Variants in ACTN4 observed in about 807,000 individuals in gnomAD.
ACTN4 encodes the protein alpha-actinin-4.
A neutral mutation model predicts 114.2 loss-of-function variants in ACTN4; 18 were observed. That is an observed-to-expected ratio of 0.16 (90% CI 0.11 to 0.23). The LOEUF (loss-of-function observed/expected upper bound fraction) is 0.23, where lower values mean the gene tolerates loss of function less well. Ranked by LOEUF, ACTN4 falls within the 10% of genes least tolerant of loss-of-function variation. ACTN4 has a pLI of 1.00. For missense variants in ACTN4, 722 were observed against 1,262.9 expected (o/e 0.57, Z 6.49); for synonymous variants, 515 against 506.3 (o/e 1.02, Z -0.23).
chr19:38,710,754 C>T (rs1968620370), intron 8 of ACTN4: 9 of 333,574 alleles, frequency 2.7e-5, no homozygotes, highest in Non-Finnish European at 4.7e-5. Flanking sequence ...GCAGCAGGAG[C>T]TGCTAGATGC....
At chr19:38,669,430 G>T (rs776746063) in intron 1 of ACTN4, among the ~76,000 whole-genome samples, 1 of 152,250 alleles carries the variant, frequency 6.6e-6, no homozygotes, top group Non-Finnish European at 1.5e-5. Flanking sequence ...GGCATCTGAA[G>T]AATTTCTACA....
chr19:38,685,812 C>T (rs1967724058), intron 1 of ACTN4, among the ~76,000 whole-genome samples: 1 of 152,056 alleles, frequency 6.6e-6, no homozygotes, highest in African/African-American at 2.4e-5. Context: ...GCCGGGTGGA[C>T]TGTTGAATCA....
At chr19:38,713,133 C>T (rs1285297374) in intron 8 of ACTN4, among the ~76,000 whole-genome samples, 7 of 152,152 alleles carry the variant, frequency 4.6e-5, no homozygotes, top group African/African-American at 7.2e-5. Flanking sequence ...GTTTTATAAA[C>T]GCAGAGTGAA....
intron 1 of ACTN4, among the ~76,000 whole-genome samples, chr19:38,653,441 T>A (rs1223786910): frequency 6.6e-6 from 1 of 151,872 alleles, no homozygotes; most frequent in Non-Finnish European, 1.5e-5. Context: ...ATTCCCTTGC[T>A]GCTGCTTTTA....
At chr19:38,651,344 A>G (rs1014914080) in intron 1 of ACTN4, among the ~76,000 whole-genome samples, 1 of 152,128 alleles carries the variant, frequency 6.6e-6, no homozygotes, top group Admixed American at 6.5e-5. Flanking sequence ...CGGTTTTTAC[A>G]TGAGAGGGCC....
chr19:38,664,338 C>T (rs1966892505), intron 1 of ACTN4, among the ~76,000 whole-genome samples: 1 of 151,994 alleles, frequency 6.6e-6, no homozygotes, highest in African/African-American at 2.4e-5. Context: ...GACTTAAATA[C>T]CGCAGTGTCC....
intron 1 of ACTN4, among the ~76,000 whole-genome samples, chr19:38,648,915 G>A (rs1316868906): frequency 1.3e-5 from 2 of 151,824 alleles, no homozygotes; most frequent in African/African-American, 4.8e-5. Flanking sequence ...GTGGATAATG[G>A]GAGAGAGGTT....
intron 3 of ACTN4, among the ~76,000 whole-genome samples, 162 bp downstream of exon 3, chr19:38,701,283 A>G (rs1388539792): frequency 6.6e-6 from 1 of 152,168 alleles, no homozygotes. Context: ...ACTGCTCTTG[A>G]TATGATGCTG....
In ACTN4 at chr19:38,668,942, G is replaced by A. The variant is rs1049361486; in HGVS notation, c.162+21035G>A. 2.0e-5 allele frequency among the ~76,000 whole-genome samples: 3 copies of A among 152,236 alleles called. No homozygotes were observed. In the East Asian group the frequency reaches 5.8e-4, roughly 29 times the overall value. Reference sequence around the variant, plus strand: ...GAGAGTTGTGTGTTTGGTTCTTGGTGTATGGTTTCGTAGGCTCCCCAGGGC... The same window carrying A: ...GAGAGTTGTGTGTTTGGTTCTTGGTATATGGTTTCGTAGGCTCCCCAGGGC... On this transcript the variant is annotated intron_variant, in intron 1 of 20. Transcript: ENST00000252699.
chr19:38,680,158 G>A (rs961246713), intron 1 of ACTN4, among the ~76,000 whole-genome samples: 1 of 144,472 alleles, frequency 6.9e-6, no homozygotes, highest in African/African-American at 2.6e-5. Context: ...GAGCAACCTT[G>A]TATTTGTCCG....
chr19:38,680,619 A>G (rs560174293), intron 1 of ACTN4, among the ~76,000 whole-genome samples: 8 of 152,244 alleles, frequency 5.3e-5, no homozygotes, highest in South Asian at 2.1e-4. Context: ...TCTGAGACCA[A>G]ACTCATTTTC....
intron 1 of ACTN4, among the ~76,000 whole-genome samples, chr19:38,667,923 C>T (rs1011310869): frequency 6.6e-6 from 1 of 152,170 alleles, no homozygotes; most frequent in Non-Finnish European, 1.5e-5. Flanking sequence ...AGCAGCCCTG[C>T]GTGAAGGCAT....
chr19:38,702,434 G>A (rs1968310256), intron 3 of ACTN4, among the ~76,000 whole-genome samples: 1 of 152,186 alleles, frequency 6.6e-6, no homozygotes, highest in Admixed American at 6.5e-5. Flanking sequence ...GAGAGGGGCC[G>A]GAGGCACAGC....
Position 38,714,515 on chromosome 19 carries a change from A to G in ACTN4, c.866A>G (p.Gln289Arg). ...NRICKVLAVNQENEHLMEDYE... is the reference protein window; with the variant it reads ...NRICKVLAVNRENEHLMEDYE... ...ATCTGTAAGGTGCTGGCTGTCAACC[A>G]AGAGAACGAGCACCTGATGGAGGAC... The change falls in exon 9 of 21, where the codon CAA (glutamine) becomes CGA (arginine). Residue 289 changes from glutamine to arginine, a missense_variant. Transcript: ENST00000252699. 6.2e-7 allele frequency: 1 copy of G among 1,613,926 alleles called. No homozygotes were observed. Among genetic ancestry groups the G allele is most frequent in the Non-Finnish European group, 8.5e-7 (1 of 1,180,016 alleles).
At chr19:38,648,160 G>A (rs1976445295) in intron 1 of ACTN4, 1 of 406,706 alleles carries the variant, frequency 2.5e-6, no homozygotes, top group Admixed American at 4.5e-5. Flanking sequence ...AATCGGGAAG[G>A]CTGATGAAGG....
At chr19:38,728,377 G>T in intron 19 of ACTN4, 5 of 1,389,756 alleles carry the variant, frequency 3.6e-6, no homozygotes, top group Non-Finnish European at 4.8e-6. Context: ...ACAGGATACA[G>T]CCTGGTATGC....
chr19:38,703,087 T>G (rs1968337726), intron 3 of ACTN4, among the ~76,000 whole-genome samples: 1 of 152,260 alleles, frequency 6.6e-6, no homozygotes, highest in East Asian at 1.9e-4. Flanking sequence ...TAGGCACGGC[T>G]GGCTGATGGA....
chr19:38,695,175 T>C (rs917891062), intron 1 of ACTN4, among the ~76,000 whole-genome samples: 2 of 152,210 alleles, frequency 1.3e-5, no homozygotes, highest in Non-Finnish European at 2.9e-5. Context: ...CATGCCTGGC[T>C]GGCCAGAATG....
chr19:38,660,782 C>T (rs2144847950), intron 1 of ACTN4, among the ~76,000 whole-genome samples: 1 of 152,288 alleles, frequency 6.6e-6, no homozygotes, highest in East Asian at 1.9e-4. Flanking sequence ...GCCACTTGCC[C>T]CTGTGACAGT....
Sources: gnomAD v4.1 joint callset for allele counts (sites outside exome capture counted in the v4.1 genomes callset) on GRCh38, gnomAD v4.1.1 for gene constraint, MANE v1.5 for transcripts, NCBI Gene and HGNC (gene_info 2026-07-23, HGNC 2026-07-21) for gene names.